Variants in CNOT1 observed in about 807,000 individuals in gnomAD.
The protein encoded by CNOT1 is CCR4-NOT transcription complex subunit 1, also known as CCR4-associated factor 1.
Under a neutral mutation model 273.8 loss-of-function variants are expected in CNOT1, and 15 were observed. That is an observed-to-expected ratio of 0.05 (90% CI 0.04 to 0.08). The LOEUF is 0.08. Ranked by LOEUF, CNOT1 falls within the 10% of genes least tolerant of loss-of-function variation. CNOT1 has a pLI of 1.00. For missense variants in CNOT1, 1,644 were observed against 2,912.2 expected (o/e 0.56, Z 10.02); for synonymous variants, 1,022 against 1,005.5 (o/e 1.02, Z -0.31).
chr16:58,591,019 T>C (rs2042033665), intron 2 of CNOT1, among the ~76,000 whole-genome samples: 1 of 152,150 alleles, frequency 6.6e-6, no homozygotes, highest in South Asian at 2.1e-4. Flanking sequence ...AAACAGAGCT[T>C]GCTAACATTG....
intron 1 of CNOT1, among the ~76,000 whole-genome samples, chr16:58,612,209 T>C (rs1156288358): frequency 6.6e-6 from 1 of 152,152 alleles, no homozygotes; most frequent in Non-Finnish European, 1.5e-5. Flanking sequence ...TACCTTGCTC[T>C]AAATTTAAAT....
intron 40 of CNOT1, among the ~76,000 whole-genome samples, chr16:58,533,362 C>G (rs1368290971): frequency 6.6e-6 from 1 of 152,158 alleles, no homozygotes; most frequent in African/African-American, 2.4e-5. Context: ...CGTGGCCGGG[C>G]GCTGTGGCTC....
intron 43 of CNOT1, 104 bp downstream of exon 43, chr16:58,530,142 A>T: frequency 1.3e-6 from 1 of 798,946 alleles, no homozygotes; most frequent in Non-Finnish European, 1.9e-6. Flanking sequence ...AATGTATATC[A>T]TGCCTCAAAG....
rs955566720 is a variant in CNOT1 at position 58,543,124 on chromosome 16, CA to C, written c.4434+482del. 5.5e-5 allele frequency: 72 copies of C among 1,303,724 alleles called. 1 individual carries two copies. The highest frequency in any genetic ancestry group is 2.7e-4 in the African/African-American group (18 of 66,134). 80.8% of individuals were successfully genotyped at this position (1,303,724 alleles called of 1,614,324 possible). ...CATTAAAAAAAAGGCAAAAAACAAC[CA>C]AAAAAAATCATTAAAGCAGTAAACA... On this transcript the variant is annotated intron_variant, in intron 31 of 48. Coordinates refer to ENST00000317147, the MANE Select transcript of CNOT1 (RefSeq NM_016284.5).
intron 18 of CNOT1, 128 bp from the exon 19 acceptor site, chr16:58,557,121 A>AGTCTTT (rs2040657528): frequency 7.8e-7 from 1 of 1,277,296 alleles, no homozygotes; most frequent in Non-Finnish European, 1.0e-6. Flanking sequence ...TAAAAGTCAG[A>AGTCTTT]GTCTTTGTTA....
rs1405708766 is a variant in CNOT1 at position 58,527,677 on chromosome 16, A to C, written c.6453+798T>G. Among the ~76,000 whole-genome samples the C allele has an allele frequency of 2.0e-5, 3 of 152,346 alleles. No homozygotes were observed. The East Asian group carries it at 5.8e-4, about 29-fold the overall frequency. ...AGCACTACAGATGTCATTTAAGGGG[A>C]TATGCAAAGGTTATATGCCACTTTA... is the stretch of plus-strand genomic sequence containing the variant. On this transcript the variant is annotated intron_variant, in intron 44 of 48. Transcript: ENST00000317147.
intron 1 of CNOT1, among the ~76,000 whole-genome samples, chr16:58,624,240 C>T (rs1335670317): frequency 6.6e-6 from 1 of 152,110 alleles, no homozygotes; most frequent in African/African-American, 2.4e-5. Flanking sequence ...TTAGAGGATA[C>T]CCATGTGGTG....
At chr16:58,624,977 G>A (rs1341659122) in intron 1 of CNOT1, among the ~76,000 whole-genome samples, 1 of 151,918 alleles carries the variant, frequency 6.6e-6, no homozygotes, top group African/African-American at 2.4e-5. Context: ...GGCCAGTATG[G>A]TGGCTCACAT....
rs1037660513 is a variant in CNOT1, at chr16:58,537,106, A to G, written c.5529T>C (p.Asp1843=). 6.2e-7 allele frequency: 1 copy of G among 1,614,206 alleles called. No homozygotes were observed. Among genetic ancestry groups the G allele is most frequent in the Non-Finnish European group, 8.5e-7 (1 of 1,180,042 alleles). Residue 1843 remains aspartate (D), a synonymous_variant, in exon 39 of 49, where the codon GAT becomes GAC. Coordinates refer to ENST00000317147, the MANE Select transcript of CNOT1 (RefSeq NM_016284.5). Reference sequence around the variant, plus strand: ...CCTTCTCCCTCAGGCCTGGAGGGTCATCATACTCTGAGGCTTGAGAGATCC... The same window carrying G: ...CCTTCTCCCTCAGGCCTGGAGGGTCGTCATACTCTGAGGCTTGAGAGATCC... ...HSGISQASEY[D]DPPGLREKAE... is the part of the protein sequence containing the mutation.
Position 58,570,352 on chromosome 16 carries a change from A to T in CNOT1, c.1979+4257T>A, listed in dbSNP as rs562714091. On this transcript the variant is annotated intron_variant, in intron 16 of 48. Coordinates refer to ENST00000317147, the MANE Select transcript of CNOT1 (RefSeq NM_016284.5). ...GTATAAATCTCCTAATTAAAGAACA[A>T]CTGGGCTGGGTGCAGTGGCTCATTT... 2.8e-4 allele frequency among the ~76,000 whole-genome samples: 42 copies of T among 152,292 alleles called. No individual in the cohort carries two copies. In the South Asian group the frequency reaches 2.9e-3, roughly 11 times the overall value.
intron 1 of CNOT1, among the ~76,000 whole-genome samples, chr16:58,602,848 G>C (rs911828372): frequency 3.9e-5 from 6 of 151,996 alleles, no homozygotes; most frequent in Non-Finnish European, 5.9e-5. Context: ...GTCCAAATTT[G>C]TATAATATAA....
At chr16:58,538,647 T>C (rs2151912105) in intron 36 of CNOT1, 125 bp downstream of exon 36, 5 of 1,385,720 alleles carry the variant, frequency 3.6e-6, no homozygotes, top group Non-Finnish European at 3.9e-6. Context: ...CTCTCAGAAG[T>C]AGGAAGTCTA....
chr16:58,591,813 G>C (rs16960298), intron 2 of CNOT1, among the ~76,000 whole-genome samples: 2,973 of 151,086 alleles, frequency 0.02, 89 homozygotes, highest in African/African-American at 0.068. Context: ...ACATAGGTTT[G>C]ATACACTCTA....
intron 34 of CNOT1, among the ~76,000 whole-genome samples, chr16:58,540,879 C>A (rs1246630413): frequency 6.6e-6 from 1 of 152,112 alleles, no homozygotes; most frequent in African/African-American, 2.4e-5. Flanking sequence ...TTTCTGTAAA[C>A]ACCTTTGAAA....
chr16:58,539,494 G>C (rs187559758), intron 35 of CNOT1, among the ~76,000 whole-genome samples: 6 of 49,636 alleles, frequency 1.2e-4, no homozygotes, highest in East Asian at 1.0e-3. Flanking sequence ...CACACACACA[G>C]ACACACACAC....
At chr16:58,609,876 C>T (rs929103346) in intron 1 of CNOT1, among the ~76,000 whole-genome samples, 1 of 150,010 alleles carries the variant, frequency 6.7e-6, no homozygotes, top group Admixed American at 6.7e-5. Flanking sequence ...TATAATAATA[C>T]ATTAACATAT....
At chr16:58,526,789 C>T (rs184629411) in intron 44 of CNOT1, among the ~76,000 whole-genome samples, 2 of 148,262 alleles carry the variant, frequency 1.3e-5, no homozygotes, top group East Asian at 4.0e-4. Context: ...TGCGCTCCAG[C>T]CTGGGCAACA....
Position 58,575,082 on chromosome 16 carries a change from G to A in CNOT1, c.1752C>T (p.Asp584=). ...CACGACGTGAAGCAAGTGCAGCAAG[G>A]TCAATAACAAAGGCAAATGGAGTAC... ...LNGTPFAFVI[D]LAALASRREY... is the part of the protein sequence containing the mutation. Residue 584 remains aspartate, a synonymous_variant, in exon 15 of 49, where the codon GAC becomes GAT. Transcript: ENST00000317147. The A allele has an allele frequency of 6.2e-7, 1 of 1,614,054 alleles. No individual in the cohort carries two copies.
Position 58,547,402 on chromosome 16 carries a change from A to C in CNOT1, c.3640-106T>G. On this transcript the variant is annotated intron_variant, in intron 26 of 48. Coordinates refer to ENST00000317147, the MANE Select transcript of CNOT1 (RefSeq NM_016284.5). This position sits in a 1 kb window ranked among gnomAD's most constrained non-coding sequence, Gnocchi z 4.0. ...CAAGCTTATCCCCAAAACAGGAATC[A>C]ACATAATGTCTAGTCCTTGCCTTAC... is the stretch of plus-strand genomic sequence containing the variant. 6.5e-7 allele frequency: 1 copy of C among 1,547,708 alleles called. No individual in the cohort carries two copies. The highest frequency in any genetic ancestry group is 2.3e-5 in the East Asian group (1 of 44,240).
Sources: gnomAD v4.1 joint callset for allele counts (sites outside exome capture counted in the v4.1 genomes callset) on GRCh38, gnomAD v4.1.1 for gene constraint, Gnocchi (gnomAD v3.1) non-coding constraint, MANE v1.5 for transcripts, NCBI Gene and HGNC (gene_info 2026-07-23, HGNC 2026-07-21) for gene names.